The following DDX47 variants were observed in gnomAD, a reference collection of about 807,000 sequenced individuals.
The protein encoded by DDX47 is probable ATP-dependent RNA helicase DDX47.
Under a neutral mutation model 58.8 loss-of-function variants are expected in DDX47, and 60 were observed. The ratio of observed to expected loss-of-function variants is 1.02; its 90% confidence interval spans 0.83 to 1.26. DDX47 has a LOEUF of 1.26. DDX47 is among the 50% of genes most tolerant of loss of function. The pLI is 0.00. For missense variants in DDX47, 530 were observed against 573.2 expected (o/e 0.92, Z 0.77); for synonymous variants, 197 against 204.6 (o/e 0.96, Z 0.32).
At chr12:12,820,944 T>C (rs1403241790) in intron 2 of DDX47, among the ~76,000 whole-genome samples, 1 of 152,240 alleles carries the variant, frequency 6.6e-6, no homozygotes, top group African/African-American at 2.4e-5. Context: ...TTACTTTTCC[T>C]TGTGTTCTCG....
At chr12:12,824,892 G>GA in intron 9 of DDX47, 1 of 460,164 alleles carries the variant, frequency 2.2e-6, no homozygotes, top group Non-Finnish European at 3.8e-6. Context: ...AGAGTTATTA[G>GA]ATGCTCATAG....
chr12:12,821,851 T>A, intron 4 of DDX47, 114 bp from the exon 5 acceptor site: 1 of 1,187,276 alleles, frequency 8.4e-7, no homozygotes, highest in Non-Finnish European at 1.2e-6. Flanking sequence ...TTTCTTAAGT[T>A]AAATTTGGTG....
intron 8 of DDX47, 112 bp downstream of exon 8, chr12:12,824,128 T>C (rs1445294363): frequency 4.6e-6 from 6 of 1,312,032 alleles, no homozygotes; most frequent in Non-Finnish European, 6.2e-6. Flanking sequence ...GTTTCCATAA[T>C]TGTTGTAATT....
rs1376273606 is a variant in DDX47 at position 12,823,726 on chromosome 12, G to A, written c.751-144G>A. The A allele has an allele frequency of 5.2e-6, 4 of 768,284 alleles. No individual in the cohort carries two copies. In the East Asian group the frequency reaches 7.5e-5, roughly 14 times the overall value. 47.6% of individuals were successfully genotyped at this position (768,284 alleles called of 1,614,324 possible). ...TGTGGTTCACAGAGATGATAATGCT[G>A]GTTAAGGAATGCAAAGCTGGCAGCT... On this transcript the variant is annotated intron_variant, in intron 7 of 11. Coordinates refer to ENST00000358007, the MANE Select transcript of DDX47 (RefSeq NM_016355.4).
chr12:12,824,864 T>C (rs983452391), intron 9 of DDX47, 187 bp downstream of exon 9: 10 of 515,160 alleles, frequency 1.9e-5, no homozygotes, highest in Middle Eastern at 1.0e-3. Flanking sequence ...TTAGTACATA[T>C]GAAAGAGGTA....
intron 6 of DDX47, 110 bp downstream of exon 6, chr12:12,822,842 T>C (rs1437075904): frequency 2.2e-6 from 2 of 912,638 alleles, no homozygotes; most frequent in Admixed American, 3.9e-5. Flanking sequence ...CACACTGCTA[T>C]AAAGAACTAT....
chr12:12,829,554 A>C lies in DDX47; in HGVS notation c.1368A>C (p.Ter456TyrextTer4), dbSNP rs1234790983. ...AAATGAAGAAGCGGAAAGGCCGTTA[A>C]TCACTTTTATGAAGGCTCGAGTTCT... ...GGKMKKRKGR[*>Y] Residue 456 changes from the stop codon to tyrosine, a stop_lost, in exon 12 of 12, where the codon TAA (stop) becomes TAC (tyrosine). Transcript: ENST00000358007. 1 of 1,613,520 alleles carries C rather than the reference A, an allele frequency of 6.2e-7. No individual in the cohort carries two copies.
At chr12:12,821,058 C>T (rs1453836880) in intron 2 of DDX47, 150 bp from the exon 3 acceptor site, 1 of 736,282 alleles carries the variant, frequency 1.4e-6, no homozygotes, top group East Asian at 2.7e-5. Flanking sequence ...AGAGAGAGGC[C>T]ATGTCTTTTC....
At chr12:12,826,748 C>T (rs981768871) in intron 10 of DDX47, among the ~76,000 whole-genome samples, 3 of 151,842 alleles carry the variant, frequency 2.0e-5, no homozygotes, top group South Asian at 2.1e-4. Context: ...CCTGCCTGGC[C>T]GATTTTTGTT....
chr12:12,828,706 CA>C (rs1172789474), intron 11 of DDX47, among the ~76,000 whole-genome samples: 1 of 151,982 alleles, frequency 6.6e-6, no homozygotes, highest in African/African-American at 2.4e-5. Flanking sequence ...GAAAAAAATT[CA>C]AAAAATACAG....
In DDX47 at chr12:12,829,474, G is replaced by T. The variant is rs1565449293; in HGVS notation, c.1288G>T (p.Asp430Tyr). The change falls in exon 12 of 12, where the codon GAT (aspartate) becomes TAT (tyrosine). Residue 430 changes from aspartate (D) to tyrosine (Y), a missense_variant. Transcript: ENST00000358007. ...KKKRSREDAG[D>Y]NDDTEGAIGV... Reference sequence around the variant, plus strand: ...GAAACGCTCGCGAGAGGATGCTGGAGATAATGATGACACAGAGGGTGCTAT... The same window carrying T: ...GAAACGCTCGCGAGAGGATGCTGGATATAATGATGACACAGAGGGTGCTAT... The T allele has an allele frequency of 1.2e-6, 2 of 1,613,830 alleles. No individual in the cohort carries two copies. The highest frequency in any genetic ancestry group is 8.5e-7 in the Non-Finnish European group (1 of 1,179,926).
intron 2 of DDX47, among the ~76,000 whole-genome samples, chr12:12,818,927 C>A (rs1168823173): frequency 1.3e-5 from 2 of 152,184 alleles, no homozygotes; most frequent in African/African-American, 4.8e-5. Context: ...CCCACTGGGT[C>A]CTTCCCACAA....
intron 1 of DDX47, 128 bp downstream of exon 1, chr12:12,813,582 A>T: frequency 1.1e-6 from 1 of 877,304 alleles, no homozygotes; most frequent in Admixed American, 2.3e-5. Context: ...TTTTCCCCAG[A>T]ATTTCAGAGG....
At chr12:12,824,878 A>G in intron 9 of DDX47, 1 of 485,838 alleles carries the variant, frequency 2.1e-6, no homozygotes, top group East Asian at 3.4e-5. Flanking sequence ...AGAGGTAGCC[A>G]AGGAGAGTTA....
At chr12:12,824,357 A>G (rs1195684104) in intron 8 of DDX47, 183 bp from the exon 9 acceptor site, 5 of 611,250 alleles carry the variant, frequency 8.2e-6, no homozygotes, top group Admixed American at 7.1e-5. Flanking sequence ...TTTGTATCAT[A>G]TATATTTTTT....
Position 12,821,746 on chromosome 12 carries a change from A to C in DDX47, c.442+20A>C. ...TAATAGGTGAGTAACTGACAAAGGT[A>C]AAAGACACTGGCAGTGATGAATTGG... On this transcript the variant is annotated intron_variant, in intron 4 of 11. Coordinates refer to ENST00000358007, the MANE Select transcript of DDX47 (RefSeq NM_016355.4). The C allele has an allele frequency of 6.4e-7, 1 of 1,573,072 alleles. No individual in the cohort carries two copies. The highest frequency in any genetic ancestry group is 8.7e-7 in the Non-Finnish European group (1 of 1,142,932).
chr12:12,823,627 G>C, intron 7 of DDX47: 1 of 554,952 alleles, frequency 1.8e-6, no homozygotes, highest in Non-Finnish European at 3.2e-6. Flanking sequence ...CCCTGGTTTT[G>C]TGCTTTGATA....
At chr12:12,816,171 T>C (rs1397724530) in intron 2 of DDX47, among the ~76,000 whole-genome samples, 1 of 152,108 alleles carries the variant, frequency 6.6e-6, no homozygotes, top group Non-Finnish European at 1.5e-5. Flanking sequence ...TTGGAAGTAA[T>C]TGATTTTGGA....
chr12:12,820,835 T>G (rs16908444), intron 2 of DDX47: 30,577 of 258,994 alleles, frequency 0.12, 2,011 homozygotes, highest in African/African-American at 0.17. Flanking sequence ...TAATTCTCTT[T>G]CCTCTTACAG....
Sources: allele counts gnomAD v4.1 joint callset (sites outside exome capture counted in the v4.1 genomes callset), GRCh38; gene constraint gnomAD v4.1.1; transcripts MANE v1.5; gene names NCBI Gene and HGNC (gene_info 2026-07-23, HGNC 2026-07-21).